RBPJ: variants seen among roughly 807,000 people sequenced by gnomAD.
RBPJ encodes recombining binding protein suppressor of hairless.
Under a neutral mutation model 67.8 loss-of-function variants are expected in RBPJ, and 9 were observed. That is an observed-to-expected ratio of 0.13 (90% CI 0.08 to 0.23). The LOEUF (loss-of-function observed/expected upper bound fraction) is 0.23. RBPJ is among the 10% of genes least tolerant of loss of function. The pLI is 1.00. For synonymous variants in RBPJ, 198 were observed against 203.3 expected (o/e 0.97, Z 0.22); for missense variants, 305 against 595.6 (o/e 0.51, Z 5.08).
intron 1 of RBPJ, among the ~76,000 whole-genome samples, chr4:26,310,959 T>A (rs1722411880): frequency 6.6e-6 from 1 of 152,204 alleles, no homozygotes; most frequent in African/African-American, 2.4e-5. Context: ...CATGAGCCAC[T>A]GTGCCCAACC....
chr4:26,214,268 A>AAGAAAGAGAAAG (rs140151003), intron 1 of RBPJ, among the ~76,000 whole-genome samples: 6,749 of 142,714 alleles, frequency 0.047, 206 homozygotes, highest in Middle Eastern at 0.08. Flanking sequence ...AGACGAAAGA[A>AAGAAAGAGAAAG]AGAAAGAGAA....
chr4:26,181,950 A>C (rs1717013940), intron 1 of RBPJ, among the ~76,000 whole-genome samples: 1 of 152,240 alleles, frequency 6.6e-6, no homozygotes, highest in Admixed American at 6.5e-5. Context: ...ACTCTAACTT[A>C]GGCTACACTA....
chr4:26,204,134 G>C (rs10003994), intron 1 of RBPJ, among the ~76,000 whole-genome samples: 156 of 151,830 alleles, frequency 1.0e-3, no homozygotes, highest in African/African-American at 3.6e-3. Flanking sequence ...TTGTAGGGAT[G>C]GGGGGGTCTC....
At chr4:26,128,786 A>T in the RBPJ span, among the ~76,000 whole-genome samples, 1 of 152,226 alleles carries the variant, frequency 6.6e-6, no homozygotes, top group East Asian at 1.9e-4. Flanking sequence ...GAGAGATAAT[A>T]GAATCATGGG....
At chr4:26,154,427 AC>A in the RBPJ span, among the ~76,000 whole-genome samples, 1 of 152,202 alleles carries the variant, frequency 6.6e-6, no homozygotes, top group Admixed American at 6.5e-5. Flanking sequence ...GTAGGAATTT[AC>A]CAGGGAAACA....
upstream of RBPJ, among the ~76,000 whole-genome samples, chr4:26,316,404 T>TATATATACATTC (rs1402806871): frequency 7.1e-6 from 1 of 140,724 alleles, no homozygotes; most frequent in Non-Finnish European, 1.5e-5. Flanking sequence ...TATACATTCA[T>TATATATACATTC]ATATATACAT....
intron 1 of RBPJ, among the ~76,000 whole-genome samples, chr4:26,218,473 A>G (rs1051096518): frequency 2.0e-5 from 3 of 152,048 alleles, no homozygotes; most frequent in African/African-American, 4.8e-5. Context: ...CCAAAGCACT[A>G]AAGTGTGAAC....
chr4:26,319,655 G>A (rs1722816156), upstream of RBPJ: 4 of 637,244 alleles, frequency 6.3e-6, no homozygotes, highest in South Asian at 3.6e-5. Context: ...TTGTGTCTGA[G>A]CCGAGTAGTG....
chr4:26,348,268 G>A lies in RBPJ; in HGVS notation c.20+27220G>A, dbSNP rs138454370. On this transcript the variant is annotated intron_variant, in intron 1 of 10. Coordinates refer to ENST00000355476, the MANE Select transcript of RBPJ (RefSeq NM_015874.6). Reference sequence around the variant, plus strand: ...GAGCCATCATCGTGCCCGGCCTGCTGTTTCATTTTAATCAGAAAAAATATT... The same window carrying A: ...GAGCCATCATCGTGCCCGGCCTGCTATTTCATTTTAATCAGAAAAAATATT... 2.6e-3 allele frequency among the ~76,000 whole-genome samples: 396 copies of A among 152,138 alleles called. 2 individuals carry two copies. The highest frequency in any genetic ancestry group is 9.1e-3 in the African/African-American group (378 of 41,520).
rs1733672047 is a variant in RBPJ, at chr4:26,408,263, A to G, written c.155+1993A>G. Among the ~76,000 whole-genome samples, 3 of 152,118 alleles carry G rather than the reference A, an allele frequency of 2.0e-5. No individual in the cohort carries two copies. In the South Asian group the frequency reaches 6.2e-4, roughly 31 times the overall value. On this transcript the variant is annotated intron_variant, in intron 3 of 10. Transcript: ENST00000355476. ...TTCATACTGCCAGGTACTGTTATTCAGGCTTACTAAATTTCTGATTATTTT... is the reference window on the plus strand; with the variant it reads ...TTCATACTGCCAGGTACTGTTATTCGGGCTTACTAAATTTCTGATTATTTT...
At chr4:26,122,938 C>T in the RBPJ span, among the ~76,000 whole-genome samples, 1 of 152,178 alleles carries the variant, frequency 6.6e-6, no homozygotes, top group Non-Finnish European at 1.5e-5. Context: ...CGACCCTCCT[C>T]ATTAGAATTA....
In RBPJ at chr4:26,272,782, G is replaced by C. The variant is rs752793725; in HGVS notation, c.-166-89664G>C. 13 of 439,186 alleles carry C rather than the reference G, an allele frequency of 3.0e-5. No homozygotes were observed. The East Asian group carries it at 6.4e-4, about 22-fold the overall frequency. The allele number at this position is 439,186 out of a possible 1,614,324, so 27.2% of individuals were successfully genotyped here. On this transcript the variant is annotated intron_variant, in intron 1 of 4. Coordinates refer to the RBPJ transcript ENST00000512351. ...ATGAGGTAGGTCTAACACCAGGAAGGGGGTGATGGGATGGAGGAAAGTCCT... is the reference window on the plus strand; with the variant it reads ...ATGAGGTAGGTCTAACACCAGGAAGCGGGTGATGGGATGGAGGAAAGTCCT...
chr4:26,287,651 GAAGAA>G (rs1469575443), intron 1 of RBPJ, among the ~76,000 whole-genome samples: 107 of 114,294 alleles, frequency 9.4e-4, no homozygotes, highest in East Asian at 6.8e-3. Context: ...GCAGAGAAGA[GAAGAA>G]AAGAGAAGAA....
Position 26,264,449 on chromosome 4 carries a change from C to T in RBPJ, c.-166-97997C>T, listed in dbSNP as rs1339975299. On this transcript the variant is annotated intron_variant, in intron 1 of 4. Coordinates refer to the RBPJ transcript ENST00000512351. The surrounding 1 kb of genome is among the most constrained non-coding windows in gnomAD (Gnocchi z 4.1). ...TACATATTGTAGCCATAGTGATCTTCGTAAACTGTCCATTTGATCCTTCCA... is the reference window on the plus strand; with the variant it reads ...TACATATTGTAGCCATAGTGATCTTTGTAAACTGTCCATTTGATCCTTCCA... Among the ~76,000 whole-genome samples, 2 of 152,142 alleles carry T rather than the reference C, an allele frequency of 1.3e-5. No individual in the cohort carries two copies. Among genetic ancestry groups the T allele is most frequent in the Non-Finnish European group, 2.9e-5 (2 of 68,012 alleles).
At chr4:26,310,905 C>A (rs957067842) in intron 1 of RBPJ, among the ~76,000 whole-genome samples, 1 of 151,962 alleles carries the variant, frequency 6.6e-6, no homozygotes. Context: ...CCTGACCTCA[C>A]GTGATCCGCC....
chr4:26,382,608 T>G (rs1050542740), intron 1 of RBPJ, among the ~76,000 whole-genome samples: 2 of 152,172 alleles, frequency 1.3e-5, no homozygotes, highest in Non-Finnish European at 2.9e-5. Flanking sequence ...AGTGGCTCAG[T>G]CACAACTCAC....
chr4:26,296,380 C>A (rs1721875213), intron 1 of RBPJ, among the ~76,000 whole-genome samples: 1 of 152,074 alleles, frequency 6.6e-6, no homozygotes, highest in South Asian at 2.1e-4. Flanking sequence ...GAGCATAAAG[C>A]TACATTCAAC....
intron 1 of RBPJ, among the ~76,000 whole-genome samples, chr4:26,308,868 T>C (rs1032528763): frequency 2.6e-5 from 4 of 152,238 alleles, no homozygotes; most frequent in African/African-American, 7.2e-5. Context: ...TGTTCAAGGT[T>C]AATAGTAACA....
At chr4:26,285,495 G>A (rs1449115838) in intron 1 of RBPJ, among the ~76,000 whole-genome samples, 1 of 151,768 alleles carries the variant, frequency 6.6e-6, no homozygotes, top group Non-Finnish European at 1.5e-5. Context: ...ATTTCAAAGA[G>A]TCTCCTCCAA....
Sources: allele counts gnomAD v4.1 joint callset (sites outside exome capture counted in the v4.1 genomes callset), GRCh38; gene constraint gnomAD v4.1.1; non-coding constraint Gnocchi (gnomAD v3.1); transcripts MANE v1.5; gene names NCBI Gene and HGNC (gene_info 2026-07-23, HGNC 2026-07-21).